GAS2: variants seen among roughly 807,000 people sequenced by gnomAD.
The protein encoded by GAS2 is growth arrest-specific protein 2.
Under a neutral mutation model 37.5 loss-of-function variants are expected in GAS2, and 20 were observed. The observed-to-expected ratio is 0.53, with a 90% confidence interval of 0.37 to 0.77. The LOEUF (loss-of-function observed/expected upper bound fraction) is 0.77. Ranked by LOEUF, GAS2 falls within the 30% of genes least tolerant of loss-of-function variation. The pLI is 0.00. For synonymous variants in GAS2, 144 were observed against 132.2 expected (o/e 1.09, Z -0.61); for missense variants, 336 against 373.4 (o/e 0.90, Z 0.82).
rs146423103 is a variant in GAS2 at position 22,736,423 on chromosome 11, A to C, written c.410-1282A>C. ...GGATTTAAAATTTAATGGTGGGATT[A>C]GAATTCTGGTAGGATTCAAATTTAT... On this transcript the variant is annotated intron_variant, in intron 4 of 7. Transcript: ENST00000454584. 3.9e-3 allele frequency among the ~76,000 whole-genome samples: 593 copies of C among 152,186 alleles called. 1 individual carries two copies. The highest frequency in any genetic ancestry group is 6.5e-3 in the Non-Finnish European group (441 of 67,910).
chr11:22,762,935 A>G (rs1183438574), intron 7 of GAS2, among the ~76,000 whole-genome samples: 1 of 152,200 alleles, frequency 6.6e-6, no homozygotes, highest in South Asian at 2.1e-4. Context: ...TTATTTTTTA[A>G]GTAGACTGGT....
chr11:22,739,553 A>G (rs1178812395), intron 5 of GAS2, among the ~76,000 whole-genome samples: 1 of 126,562 alleles, frequency 7.9e-6, no homozygotes, highest in African/African-American at 2.9e-5. Context: ...AGCCTGGGCG[A>G]CAGAGCAAGA....
intron 1 of GAS2, among the ~76,000 whole-genome samples, chr11:22,656,786 ATGTG>A (rs148171455): frequency 1.3e-5 from 2 of 150,568 alleles, no homozygotes; most frequent in African/African-American, 2.4e-5. Flanking sequence ...GTTTGTCATG[ATGTG>A]TGTGTGTGTG....
At chr11:22,637,224 AC>A (rs1858839218) in intron 1 of GAS2, among the ~76,000 whole-genome samples, 2 of 89,780 alleles carry the variant, frequency 2.2e-5, no homozygotes, top group African/African-American at 8.5e-5. Flanking sequence ...TTAATAGTAT[AC>A]TAATATAATA....
In GAS2 at chr11:22,789,423, G is replaced by GATATATATAAATATATATATATATAAAT. The variant is rs1491294585; in HGVS notation, c.724-22374_724-22373insTATATATAAATATATATATATATAAATA. Among the ~76,000 whole-genome samples, 23 of 71,164 alleles carry GATATATATAAATATATATATATATAAAT rather than the reference G, an allele frequency of 3.2e-4. 4 individuals are homozygous for GATATATATAAATATATATATATATAAAT. The highest frequency in any genetic ancestry group is 1.0e-3 in the East Asian group (3 of 2,878). 46.7% of individuals were successfully genotyped at this position (71,164 alleles called of 152,430 possible). A position where few individuals can be genotyped will look rare whatever the true frequency, so the allele number is the denominator to read the frequency against. On this transcript the variant is annotated intron_variant, in intron 7 of 7. Coordinates refer to ENST00000454584, the MANE Select transcript of GAS2 (RefSeq NM_001143830.3). ...GTGTGTATGTGTGTGTATCTCATATGAGATATATATATATATATATATATA... is the reference window on the plus strand; with the variant it reads ...GTGTGTATGTGTGTGTATCTCATATGATATATATAAATATATATATATATAAATAGATATATATATATATATATATATA...
chr11:22,715,541 G>A lies in GAS2; in HGVS notation c.268-10751G>A, dbSNP rs915548840. On this transcript the variant is annotated intron_variant, in intron 3 of 7. Transcript: ENST00000454584. ...ATTACATTCGATAACACAGAAATAC[G>A]AAAGACCATTTAAGGCTACTATGAA... Among the ~76,000 whole-genome samples, 8 of 147,444 alleles carry A rather than the reference G, an allele frequency of 5.4e-5. No homozygotes were observed. The South Asian group carries it at 6.6e-4, about 12-fold the overall frequency.
rs1934888822 is a variant in GAS2, at chr11:22,726,362, C to T, written c.338C>T (p.Thr113Ile). 2 of 1,612,640 alleles carry T rather than the reference C, an allele frequency of 1.2e-6. No individual in the cohort carries two copies. Among genetic ancestry groups the T allele is most frequent in the African/African-American group, 1.3e-5 (1 of 74,778 alleles). Residue 113 changes from threonine to isoleucine, a missense_variant, in exon 4 of 8, where the codon ACA (threonine) becomes ATA (isoleucine). Thr to Ile is a moderately conservative substitution (Grantham distance 89). Transcript: ENST00000454584. Reference sequence around the variant, plus strand: ...GGCTCCTTTTTTGCCAGAGACAATACAGCAAATTTCTTATCCTGGTGCCGA... The same window carrying T: ...GGCTCCTTTTTTGCCAGAGACAATATAGCAAATTTCTTATCCTGGTGCCGA... The part of the protein sequence containing the change: ...PSGSFFARDN[T>I]ANFLSWCRDL...
chr11:22,653,035 C>CTTTCTTTCTTTCTTTCTCTT (rs562393334), intron 1 of GAS2, among the ~76,000 whole-genome samples: 3 of 7,706 alleles, frequency 3.9e-4, no homozygotes, highest in Non-Finnish European at 6.6e-4. Flanking sequence ...TTCTTTCTTT[C>CTTTCTTTCTTTCTTTCTCTT]TCTTTCTTTC....
intron 7 of GAS2, among the ~76,000 whole-genome samples, chr11:22,766,932 T>A (rs924531062): frequency 1.3e-5 from 2 of 152,144 alleles, no homozygotes; most frequent in African/African-American, 4.8e-5. Flanking sequence ...ATTTTTTACT[T>A]TTATTAAAGG....
intron 4 of GAS2, among the ~76,000 whole-genome samples, chr11:22,733,961 A>G (rs1852615832): frequency 6.6e-6 from 1 of 151,720 alleles, no homozygotes; most frequent in Non-Finnish European, 1.5e-5. Flanking sequence ...AGTGGGGAAA[A>G]TGTCTCCTAC....
intron 3 of GAS2, among the ~76,000 whole-genome samples, chr11:22,691,758 T>C (rs1403145695): frequency 1.3e-5 from 2 of 152,216 alleles, no homozygotes; most frequent in African/African-American, 4.8e-5. Flanking sequence ...TAAAGTCCAC[T>C]TCCTCAGGAT....
intron 1 of GAS2, among the ~76,000 whole-genome samples, chr11:22,648,678 T>C (rs568662893): frequency 6.6e-6 from 1 of 152,364 alleles, no homozygotes; most frequent in South Asian, 2.1e-4. Flanking sequence ...TTTATTCTCT[T>C]TGAAGCAATT....
chr11:22,639,686 C>A (rs554892701), intron 1 of GAS2, among the ~76,000 whole-genome samples: 82 of 152,228 alleles, frequency 5.4e-4, no homozygotes, highest in African/African-American at 1.8e-3. Flanking sequence ...AAACGCCATA[C>A]TAAATCTTAA....
intron 4 of GAS2, among the ~76,000 whole-genome samples, chr11:22,729,375 G>C (rs1310629300): frequency 6.6e-6 from 1 of 151,832 alleles, no homozygotes; most frequent in Non-Finnish European, 1.5e-5. Context: ...AAACCTCAGT[G>C]GGTGAGGGAA....
At chr11:22,797,575 A>C (rs924490196) in intron 7 of GAS2, among the ~76,000 whole-genome samples, 6 of 152,108 alleles carry the variant, frequency 3.9e-5, no homozygotes, top group Admixed American at 6.6e-5. Flanking sequence ...ACTGGGCATC[A>C]GAAGACTAGT....
chr11:22,691,878 CCT>C (rs561910507), intron 3 of GAS2, among the ~76,000 whole-genome samples: 31 of 152,062 alleles, frequency 2.0e-4, no homozygotes, highest in South Asian at 4.1e-4. Flanking sequence ...ATTAAATCCC[CCT>C]GTCACTATTT....
At chr11:22,731,069 A>C (rs1440158562) in intron 4 of GAS2, among the ~76,000 whole-genome samples, 2 of 151,758 alleles carry the variant, frequency 1.3e-5, no homozygotes, top group Non-Finnish European at 3.0e-5. Flanking sequence ...TTTTACTAAG[A>C]TATTTTAAGT....
At chr11:22,682,894 A>G (rs1849761430) in intron 2 of GAS2, among the ~76,000 whole-genome samples, 1 of 61,120 alleles carries the variant, frequency 1.6e-5, no homozygotes, top group African/African-American at 8.9e-5. Flanking sequence ...AAAGGAAAAA[A>G]AAAAAAAAAA....
chr11:22,766,465 T>C (rs1854702455), intron 7 of GAS2, among the ~76,000 whole-genome samples: 2 of 152,240 alleles, frequency 1.3e-5, no homozygotes, highest in Admixed American at 6.5e-5. Flanking sequence ...TGGCATGTCA[T>C]TTTGTAAGTA....
Sources: allele counts gnomAD v4.1 joint callset (sites outside exome capture counted in the v4.1 genomes callset), GRCh38; gene constraint gnomAD v4.1.1; transcripts MANE v1.5; gene names NCBI Gene and HGNC (gene_info 2026-07-23, HGNC 2026-07-21).